Variants in CIZ1 observed in about 807,000 individuals in gnomAD.
The protein encoded by CIZ1 is CDKN1A interacting zinc finger protein 1.
Under a neutral mutation model 118.6 loss-of-function variants are expected in CIZ1, and 58 were observed. The observed-to-expected ratio is 0.49, with a 90% CI of 0.40 to 0.61. CIZ1 has a LOEUF of 0.61. Among genes scored for constraint, CIZ1 ranks in the 20% least tolerant of loss-of-function variants. CIZ1 has a pLI of 0.00. For synonymous variants in CIZ1, 448 were observed against 443.4 expected (o/e 1.01, Z -0.13); for missense variants, 921 against 1,115.9 (o/e 0.83, Z 2.49).
intron 11 of CIZ1, among the ~76,000 whole-genome samples, chr9:128,170,637 AG>A (rs1830014035): frequency 6.6e-6 from 1 of 152,190 alleles, no homozygotes; most frequent in Admixed American, 6.5e-5. Context: ...CCTGGGTGAC[AG>A]GGTGAGACCC....
intron 12 of CIZ1, 88 bp downstream of exon 12, chr9:128,169,932 G>C (rs779096353): frequency 7.7e-7 from 1 of 1,290,332 alleles, no homozygotes; most frequent in East Asian, 2.3e-5. Flanking sequence ...AAAGAGGAAC[G>C]TTTACTTTCC....
chr9:128,190,631 C>T (rs1476049575), intron 2 of CIZ1, 57 bp downstream of exon 2: 17 of 1,525,584 alleles, frequency 1.1e-5, no homozygotes, highest in African/African-American at 2.8e-5. Flanking sequence ...TCGGGAGCTC[C>T]GAGACATGGG....
At chr9:128,184,719 G>C (rs1049599230) in intron 5 of CIZ1, among the ~76,000 whole-genome samples, 1 of 151,984 alleles carries the variant, frequency 6.6e-6, no homozygotes, top group Non-Finnish European at 1.5e-5. Flanking sequence ...CCAGGCTGGA[G>C]TGCAATGGCG....
At chr9:128,189,781 T>C (rs1023304033) in intron 3 of CIZ1, among the ~76,000 whole-genome samples, 1 of 122,270 alleles carries the variant, frequency 8.2e-6, no homozygotes. Flanking sequence ...GATTGCACCA[T>C]TGCACTCCAC....
intron 1 of CIZ1, among the ~76,000 whole-genome samples, chr9:128,201,910 A>G (rs1833534149): frequency 1.3e-5 from 2 of 152,154 alleles, no homozygotes; most frequent in African/African-American, 4.8e-5. Flanking sequence ...CCTGCCTCGA[A>G]GATTCCTCCC....
At chr9:128,199,446 G>C (rs1833457082) in intron 1 of CIZ1, among the ~76,000 whole-genome samples, 1 of 150,328 alleles carries the variant, frequency 6.7e-6, no homozygotes, top group South Asian at 2.1e-4. Context: ...CACACCTATA[G>C]TGCCAGCACT....
In CIZ1 at chr9:128,166,764, G is replaced by A; in HGVS notation, c.2482C>T (p.Leu828=). The change falls in exon 16 of 17, where the codon CTG becomes TTG. Residue 828 remains leucine, a synonymous_variant. Coordinates refer to ENST00000372938, the MANE Select transcript of CIZ1 (RefSeq NM_001131016.2). The surrounding 1 kb of genome is among the most constrained non-coding windows in gnomAD (Gnocchi z 4.4). ...GGGCAGGATGTCCGGCTCACCTGCA[G>A]GTTCTCAAAGTGGCCCAGGGACTTG... ...HCKSLGHFEN[L]QKYKAAKNPS... is the part of the protein sequence containing the mutation. 1 of 1,614,206 alleles carries A rather than the reference G, an allele frequency of 6.2e-7. No homozygotes were observed. Among genetic ancestry groups the A allele is most frequent in the Non-Finnish European group, 8.5e-7 (1 of 1,180,008 alleles).
intron 4 of CIZ1, among the ~76,000 whole-genome samples, chr9:128,186,746 C>T (rs529924197): frequency 6.6e-6 from 1 of 152,090 alleles, no homozygotes; most frequent in Non-Finnish European, 1.5e-5. Context: ...GTCCCTGTGC[C>T]GTCCTTCAGA....
upstream of CIZ1, among the ~76,000 whole-genome samples, chr9:128,194,173 C>A (rs535947979): frequency 5.8e-4 from 88 of 151,918 alleles, 1 homozygote; most frequent in African/African-American, 2.1e-3. Flanking sequence ...ACCAGCCTGG[C>A]CAACATGGTG....
intron 14 of CIZ1, chr9:128,168,793 C>T (rs1588114126): frequency 2.1e-6 from 1 of 487,708 alleles, no homozygotes. Context: ...CACCTCCGTG[C>T]CTTTACTGAT....
At chr9:128,188,088 AAT>A in intron 3 of CIZ1, among the ~76,000 whole-genome samples, 154 bp from the exon 4 acceptor site, 1 of 128,778 alleles carries the variant, frequency 7.8e-6, no homozygotes, top group Non-Finnish European at 1.6e-5. Context: ...CAAAACAAAA[AAT>A]TAAAAAAAGC....
rs761635767 is a variant in CIZ1, at chr9:128,179,000, C to T, written c.1207G>A (p.Val403Met). The part of the protein sequence containing the change: ...LQQEAEPLKQ[V>M]QPQVQPQAHS... ...GCCTGGGGCTGCACCTGTGGCTGCA[C>T]CTGCTTCAGCGGCTCTGCCTCCTGC... Residue 403 changes from valine to methionine, a missense_variant, in exon 8 of 17, where the codon GTG (valine) becomes ATG (methionine). Coordinates refer to ENST00000372938, the MANE Select transcript of CIZ1 (RefSeq NM_001131016.2). The T allele has an allele frequency of 4.7e-5, 75 of 1,611,930 alleles. 1 individual carries two copies. Among genetic ancestry groups the T allele is most frequent in the Middle Eastern group, 3.3e-4 (2 of 6,060 alleles).
intron 5 of CIZ1, among the ~76,000 whole-genome samples, chr9:128,181,857 T>C (rs62587080): frequency 0.019 from 2,842 of 152,084 alleles, 36 homozygotes; most frequent in Non-Finnish European, 0.028. Context: ...CAGTCAGGCT[T>C]GCCCGCAGTT....
chr9:128,198,311 C>G (rs1564310464), intron 1 of CIZ1: 1 of 152,224 alleles, frequency 6.6e-6, no homozygotes, highest in African/African-American at 2.4e-5. Context: ...TCTTATTAAC[C>G]TCTTCATCCT....
intron 1 of CIZ1, among the ~76,000 whole-genome samples, chr9:128,201,549 T>TCATC (rs766937286): frequency 3.4e-4 from 52 of 152,340 alleles, no homozygotes; most frequent in Non-Finnish European, 6.0e-4. Flanking sequence ...CTGGTGCCAG[T>TCATC]CATCCAGGCT....
At chr9:128,173,782 A>G (rs534076426) in intron 11 of CIZ1, among the ~76,000 whole-genome samples, 32 of 152,076 alleles carry the variant, frequency 2.1e-4, no homozygotes, top group East Asian at 1.8e-3. Context: ...CAAGGCGGGC[A>G]GATCACAAGG....
intron 1 of CIZ1, among the ~76,000 whole-genome samples, chr9:128,198,837 AC>A (rs201570381): frequency 1.0e-3 from 154 of 149,504 alleles, no homozygotes; most frequent in Admixed American, 1.2e-3. Flanking sequence ...TCTCAAAAAA[AC>A]AAAAGGGTTT....
upstream of CIZ1, among the ~76,000 whole-genome samples, chr9:128,194,955 C>G (rs1424203728): frequency 6.6e-6 from 1 of 152,156 alleles, no homozygotes; most frequent in Non-Finnish European, 1.5e-5. Context: ...GCAGCTAGGA[C>G]TACAAGTCCA....
At chr9:128,177,542 C>CCCCCCAATAA in intron 10 of CIZ1, 24 bp downstream of exon 10, 26 of 1,229,460 alleles carry the variant, frequency 2.1e-5, no homozygotes, top group East Asian at 2.8e-5. Context: ...CACCCCTCCC[C>CCCCCCAATAA]ACCCTTATCT....
Sources: allele counts gnomAD v4.1 joint callset (sites outside exome capture counted in the v4.1 genomes callset), GRCh38; gene constraint gnomAD v4.1.1; non-coding constraint Gnocchi (gnomAD v3.1); transcripts MANE v1.5; gene names NCBI Gene and HGNC (gene_info 2026-07-23, HGNC 2026-07-21).